SORL1: variants seen among roughly 807,000 people sequenced by gnomAD.
SORL1 encodes the protein sortilin-related receptor.
Under a neutral mutation model 273.7 loss-of-function variants are expected in SORL1, and 127 were observed. The ratio of observed to expected loss-of-function variants is 0.46; its 90% CI spans 0.40 to 0.54. SORL1 has a LOEUF of 0.54. Ranked by LOEUF, SORL1 falls within the 20% of genes least tolerant of loss-of-function variation. The pLI, the probability that SORL1 is intolerant of heterozygous loss-of-function variation, is 0.00. For missense variants in SORL1, 2,494 were observed against 2,846.1 expected, an observed-to-expected ratio of 0.88 and a Z score of 2.81; for synonymous variants, 1,031 against 1,067.4, an observed-to-expected ratio of 0.97 and a Z score of 0.66.
intron 43 of SORL1, 33 bp from the exon 44 acceptor site, chr11:121,621,031 G>T: frequency 3.3e-6 from 5 of 1,501,262 alleles, no homozygotes; most frequent in Non-Finnish European, 3.7e-6. Context: ...TCAACTTTCT[G>T]ATTATCATTC....
rs1863288452 is a variant in SORL1, at chr11:121,595,861, A to T, written c.4519+89A>T. 1 of 1,419,790 alleles carries T rather than the reference A, an allele frequency of 7.0e-7. No individual in the cohort carries two copies. Among genetic ancestry groups the T allele is most frequent in the East Asian group, 2.3e-5 (1 of 43,084 alleles). The allele number at this position is 1,419,790 out of a possible 1,614,324, so 87.9% of individuals were successfully genotyped here. ...TTCTGCTTCATTTCTGGATCAGCAC[A>T]CGCCTGTGTGTGAGTCTGTGTACTT... On this transcript the variant is annotated intron_variant, in intron 32 of 47. Coordinates refer to ENST00000260197, the MANE Select transcript of SORL1 (RefSeq NM_003105.6). The surrounding 1 kb of genome is among the most constrained non-coding windows in gnomAD (Gnocchi z 5.1).
chr11:121,577,701 C>T (rs1479209608), intron 25 of SORL1, among the ~76,000 whole-genome samples: 2 of 152,340 alleles, frequency 1.3e-5, no homozygotes, highest in South Asian at 2.1e-4. Flanking sequence ...ACCAGCCCCT[C>T]GGCTGGGGTC....
intron 22 of SORL1, among the ~76,000 whole-genome samples, chr11:121,567,742 C>T (rs1043736944): frequency 6.6e-6 from 1 of 152,190 alleles, no homozygotes; most frequent in Admixed American, 6.5e-5. Context: ...GTTTTTCCTT[C>T]CTGTGTAATT....
At position 121,553,933 on chromosome 11, in the gene SORL1, G is replaced by T. The variant is rs771746323; in HGVS notation, c.2267-4G>T. 6.2e-7 allele frequency: 1 copy of T among 1,611,242 alleles called. No individual in the cohort carries two copies. The highest frequency in any genetic ancestry group is 8.5e-7 in the Non-Finnish European group (1 of 1,178,126). On this transcript the variant is annotated splice_polypyrimidine_tract_variant and splice_region_variant and intron_variant, in intron 16 of 47. Coordinates refer to ENST00000260197, the MANE Select transcript of SORL1 (RefSeq NM_003105.6). ...ACCTCCCACGTGTCTTGTGTGTCTG[G>T]CAGAAGAGAACGAGTTCATTCTGTA...
intron 11 of SORL1, among the ~76,000 whole-genome samples, chr11:121,523,507 A>G (rs1862072657): frequency 6.6e-6 from 1 of 152,112 alleles, no homozygotes; most frequent in Non-Finnish European, 1.5e-5. Context: ...AGGTTGTATA[A>G]CTAATATCGA....
At chr11:121,598,738 T>C (rs1863339904) in intron 32 of SORL1, among the ~76,000 whole-genome samples, 1 of 152,216 alleles carries the variant, frequency 6.6e-6, no homozygotes, top group Non-Finnish European at 1.5e-5. Flanking sequence ...AAAATCATCT[T>C]GGCCAAGTCC....
chr11:121,526,938 C>A (rs1243411857), intron 11 of SORL1, among the ~76,000 whole-genome samples: 2 of 151,620 alleles, frequency 1.3e-5, no homozygotes, highest in African/African-American at 4.9e-5. Flanking sequence ...TCTCTTCTTC[C>A]TTTTTCTCTT....
chr11:121,481,656 T>C (rs139479358), intron 3 of SORL1, among the ~76,000 whole-genome samples: 2,211 of 114,408 alleles, frequency 0.019, 130 homozygotes, highest in Middle Eastern at 0.054. Flanking sequence ...CAGATACCTA[T>C]AGGCAGGTTC....
chr11:121,520,945 A>T, intron 9 of SORL1, 96 bp downstream of exon 9: 3 of 772,558 alleles, frequency 3.9e-6, no homozygotes, highest in Non-Finnish European at 5.8e-6. Context: ...GAAAAAATAC[A>T]AGATCACATG....
intron 2 of SORL1, among the ~76,000 whole-genome samples, chr11:121,474,726 A>G (rs1861234536): frequency 6.6e-6 from 1 of 152,212 alleles, no homozygotes; most frequent in African/African-American, 2.4e-5. Flanking sequence ...TGTTCTCTCA[A>G]ATTCACCTGG....
chr11:121,462,011 T>G (rs1407270453), intron 1 of SORL1, among the ~76,000 whole-genome samples: 1 of 152,228 alleles, frequency 6.6e-6, no homozygotes, highest in Non-Finnish European at 1.5e-5. Context: ...TCATCTCATT[T>G]CAGAGATGAG....
At chr11:121,520,078 C>T (rs1241198976) in intron 8 of SORL1, among the ~76,000 whole-genome samples, 1 of 152,024 alleles carries the variant, frequency 6.6e-6, no homozygotes, top group Non-Finnish European at 1.5e-5. Context: ...TGGCGAAACC[C>T]CATCTCTACC....
At chr11:121,573,100 A>G (rs1049299723) in intron 23 of SORL1, among the ~76,000 whole-genome samples, 1 of 152,188 alleles carries the variant, frequency 6.6e-6, no homozygotes, top group Non-Finnish European at 1.5e-5. Flanking sequence ...GGAAATATCT[A>G]CTTAGGAGAG....
chr11:121,618,644 A>G (rs1863673694), intron 41 of SORL1, 130 bp from the exon 42 acceptor site: 1 of 1,108,976 alleles, frequency 9.0e-7, no homozygotes, highest in African/African-American at 1.6e-5. Flanking sequence ...TGTAAATGTA[A>G]TAAATGTTGA....
In SORL1 at chr11:121,545,724, G is replaced by A. The variant is rs544329521; in HGVS notation, c.2051+295G>A. ...TTCTATTAGGGTAACCCAAAAATAT[G>A]CTGAAGGTTTCATTGTTTTTAATCC... On this transcript the variant is annotated intron_variant, in intron 14 of 47. Coordinates refer to ENST00000260197, the MANE Select transcript of SORL1 (RefSeq NM_003105.6). Among the ~76,000 whole-genome samples, 5 of 152,286 alleles carry A rather than the reference G, an allele frequency of 3.3e-5. No individual in the cohort carries two copies. In the South Asian group the frequency reaches 1.0e-3, roughly 32 times the overall value.
At chr11:121,553,282 A>G (rs1591323984) in intron 16 of SORL1, among the ~76,000 whole-genome samples, 1 of 152,360 alleles carries the variant, frequency 6.6e-6, no homozygotes, top group East Asian at 1.9e-4. Context: ...GTCTTAAACA[A>G]TACCCGATAC....
At chr11:121,551,905 T>C (rs1047416704) in intron 16 of SORL1, among the ~76,000 whole-genome samples, 1 of 152,238 alleles carries the variant, frequency 6.6e-6, no homozygotes, top group Non-Finnish European at 1.5e-5. Flanking sequence ...TCACAAGAGC[T>C]GTTATTGATG....
Position 121,605,402 on chromosome 11 carries a change from G to A in SORL1, c.4779G>A (p.Arg1593=), listed in dbSNP as rs773723753. 3 of 1,606,298 alleles carry A rather than the reference G, an allele frequency of 1.9e-6. No individual in the cohort carries two copies. In the South Asian group the frequency reaches 3.3e-5, roughly 18 times the overall value. ...SASCVYNVYY[R]VVGESIWKTL... ...ATATCTTTATTTTTTTTTGGGCCAGGGTGGTTGGAGAGAGCATATGGAAGA... is the reference window on the plus strand; with the variant it reads ...ATATCTTTATTTTTTTTTGGGCCAGAGTGGTTGGAGAGAGCATATGGAAGA... Residue 1593 remains arginine (R), a splice_region_variant and synonymous_variant, in exon 35 of 48, where the codon AGG becomes AGA. Coordinates refer to ENST00000260197, the MANE Select transcript of SORL1 (RefSeq NM_003105.6).
chr11:121,524,884 T>C (rs754168218), intron 11 of SORL1, among the ~76,000 whole-genome samples: 33 of 152,174 alleles, frequency 2.2e-4, no homozygotes, highest in Admixed American at 1.2e-3. Flanking sequence ...ATCTGCAAAT[T>C]CTCTGATCCT....
Sources: gnomAD v4.1 joint callset for allele counts (sites outside exome capture counted in the v4.1 genomes callset) on GRCh38, gnomAD v4.1.1 for gene constraint, Gnocchi (gnomAD v3.1) non-coding constraint, MANE v1.5 for transcripts, NCBI Gene and HGNC (gene_info 2026-07-23, HGNC 2026-07-21) for gene names.